The following ADAMTS16 variants were observed in gnomAD, a reference collection of about 807,000 sequenced individuals.
ADAMTS16 encodes the protein ADAM metallopeptidase with thrombospondin type 1 motif 16, also known as A disintegrin and metalloproteinase with thrombospondin motifs 16.
Under a neutral mutation model 145.8 loss-of-function variants are expected in ADAMTS16, and 94 were observed. The ratio of observed to expected loss-of-function variants is 0.64; its 90% CI spans 0.55 to 0.77. The LOEUF (loss-of-function observed/expected upper bound fraction) is 0.77, where lower values mean the gene tolerates loss of function less well. ADAMTS16 is among the 30% of genes least tolerant of loss of function. ADAMTS16 has a pLI of 0.00. For synonymous variants in ADAMTS16, 659 were observed against 604.3 expected, an observed-to-expected ratio of 1.09 and a Z score of -1.33; for missense variants, 1,585 against 1,591.5, an observed-to-expected ratio of 1.00 and a Z score of 0.07.
At chr5:5,238,795 T>G (rs1265497975) in intron 14 of ADAMTS16, among the ~76,000 whole-genome samples, 1 of 152,254 alleles carries the variant, frequency 6.6e-6, no homozygotes, top group African/African-American at 2.4e-5. Flanking sequence ...TGGCATATTT[T>G]GTTAGAACCT....
chr5:5,163,596 A>G (rs1274837083), intron 3 of ADAMTS16, among the ~76,000 whole-genome samples: 1 of 152,202 alleles, frequency 6.6e-6, no homozygotes, highest in Admixed American at 6.5e-5. Flanking sequence ...TATTGGTACA[A>G]ATTATCATCC....
intron 8 of ADAMTS16, 68 bp downstream of exon 8, chr5:5,191,858 A>G (rs1212534385): frequency 8.3e-7 from 1 of 1,198,422 alleles, no homozygotes; most frequent in African/African-American, 1.5e-5. Context: ...CCATGGAAAT[A>G]TTGACTCATC....
intron 3 of ADAMTS16, among the ~76,000 whole-genome samples, chr5:5,165,553 T>G (rs1734852729): frequency 6.6e-6 from 1 of 152,172 alleles, no homozygotes; most frequent in Non-Finnish European, 1.5e-5. Flanking sequence ...ATTGTGTAAC[T>G]TTCCTGGAAG....
At position 5,306,071 on chromosome 5, in the gene ADAMTS16, A is replaced by G. The variant is rs191848866; in HGVS notation, c.3187-433A>G. Reference sequence around the variant, plus strand: ...GGCAGCACTCAGATGCCTAGGGAAGATTGTGAGCCCTGAGTTTCTTCTACC... The same window carrying G: ...GGCAGCACTCAGATGCCTAGGGAAGGTTGTGAGCCCTGAGTTTCTTCTACC... On this transcript the variant is annotated intron_variant, in intron 20 of 22. Transcript: ENST00000274181. 3.9e-5 allele frequency among the ~76,000 whole-genome samples: 6 copies of G among 152,310 alleles called. No homozygotes were observed. In the East Asian group the frequency reaches 1.2e-3, roughly 29 times the overall value.
intron 12 of ADAMTS16, among the ~76,000 whole-genome samples, chr5:5,232,853 G>A (rs532628744): frequency 1.3e-5 from 2 of 152,010 alleles, no homozygotes; most frequent in South Asian, 4.2e-4. Context: ...TCCACCCGCC[G>A]TGACCTCCCA....
At chr5:5,296,050 C>A (rs1460140698) in intron 18 of ADAMTS16, among the ~76,000 whole-genome samples, 1 of 152,166 alleles carries the variant, frequency 6.6e-6, no homozygotes, top group Non-Finnish European at 1.5e-5. Flanking sequence ...TATTGGAGAC[C>A]ATTACCTTTA....
chr5:5,303,279 G>A lies in ADAMTS16; in HGVS notation c.2801G>A (p.Gly934Glu). 1.9e-6 allele frequency: 3 copies of A among 1,573,642 alleles called. No individual in the cohort carries two copies. The highest frequency in any genetic ancestry group is 1.2e-5 in the South Asian group (1 of 85,484). ...TTGTCCCTGCCCAGCTGGTCCGTGG[G>A]GAACTGGAGTGCCTGCAGTCGGACG... ...VSACPPSWSV[G>E]NWSACSRTCG... is the part of the protein sequence containing the mutation. Residue 934 changes from glycine to glutamate, a missense_variant, in exon 19 of 23, where the codon GGG becomes GAG. Transcript: ENST00000274181.
chr5:5,292,708 A>AG (rs1739382685), intron 18 of ADAMTS16, among the ~76,000 whole-genome samples: 2 of 151,726 alleles, frequency 1.3e-5, no homozygotes, highest in South Asian at 4.2e-4. Context: ...CCCTGTCCTA[A>AG]CAGCCCTCAT....
At chr5:5,248,411 G>A (rs940686707) in intron 17 of ADAMTS16, among the ~76,000 whole-genome samples, 16 of 152,150 alleles carry the variant, frequency 1.1e-4, no homozygotes, top group African/African-American at 2.9e-4. Flanking sequence ...CCATGGGCAG[G>A]GTTTGTCTTT....
At chr5:5,143,718 T>A (rs1467478134) in intron 2 of ADAMTS16, among the ~76,000 whole-genome samples, 1 of 152,132 alleles carries the variant, frequency 6.6e-6, no homozygotes, top group African/African-American at 2.4e-5. Context: ...AGCAAAGACT[T>A]GGAACCAACC....
intron 8 of ADAMTS16, among the ~76,000 whole-genome samples, chr5:5,197,547 AG>A (rs960032100): frequency 6.6e-6 from 1 of 152,210 alleles, no homozygotes; most frequent in African/African-American, 2.4e-5. Context: ...AAGGGGAAAA[AG>A]ATAAAATATA....
At chr5:5,216,034 T>C (rs1736430261) in intron 10 of ADAMTS16, among the ~76,000 whole-genome samples, 1 of 151,394 alleles carries the variant, frequency 6.6e-6, no homozygotes, top group African/African-American at 2.4e-5. Context: ...AATAATGACT[T>C]ATTTTCCTCT....
Position 5,293,932 on chromosome 5 carries a change from C to T in ADAMTS16, c.2790-9336C>T, listed in dbSNP as rs116828978. Among the ~76,000 whole-genome samples, 1,112 of 152,302 alleles carry T rather than the reference C, an allele frequency of 7.3e-3. 18 individuals are homozygous for T. Among genetic ancestry groups the T allele is most frequent in the African/African-American group, 0.025 (1,037 of 41,552 alleles). On this transcript the variant is annotated intron_variant, in intron 18 of 22. Coordinates refer to ENST00000274181, the MANE Select transcript of ADAMTS16 (RefSeq NM_139056.4). ...TCCTGGGAGCTTTGAACTCCCAGAA[C>T]CTCTGGCACACTGGGGCTTGTGGAC...
intron 6 of ADAMTS16, among the ~76,000 whole-genome samples, chr5:5,189,131 AC>A (rs1164374744): frequency 1.3e-5 from 2 of 152,230 alleles, no homozygotes; most frequent in Non-Finnish European, 2.9e-5. Flanking sequence ...AAATTTCAAT[AC>A]GACATCCTAA....
At chr5:5,249,313 C>A (rs1737549070) in intron 17 of ADAMTS16, among the ~76,000 whole-genome samples, 1 of 152,042 alleles carries the variant, frequency 6.6e-6, no homozygotes, top group African/African-American at 2.4e-5. Context: ...ATTTTTAGTT[C>A]TTGCAGTTTT....
intron 9 of ADAMTS16, among the ~76,000 whole-genome samples, chr5:5,205,422 T>G (rs1736074329): frequency 6.6e-6 from 1 of 152,230 alleles, no homozygotes; most frequent in South Asian, 2.1e-4. Context: ...ACTTAATTTT[T>G]GTATATGGCA....
intron 17 of ADAMTS16, among the ~76,000 whole-genome samples, chr5:5,254,514 C>G (rs1201379404): frequency 6.6e-6 from 1 of 152,140 alleles, no homozygotes; most frequent in South Asian, 2.1e-4. Context: ...CAGATATACA[C>G]ACATAAACAC....
chr5:5,298,992 A>G (rs1579396248), intron 18 of ADAMTS16, among the ~76,000 whole-genome samples: 1 of 152,122 alleles, frequency 6.6e-6, no homozygotes, highest in Non-Finnish European at 1.5e-5. Flanking sequence ...GGCACCGCCT[A>G]GCGAATGCTG....
intron 3 of ADAMTS16, among the ~76,000 whole-genome samples, chr5:5,164,553 T>A (rs1734816150): frequency 6.6e-6 from 1 of 152,232 alleles, no homozygotes; most frequent in Non-Finnish European, 1.5e-5. Context: ...AACAGCACAA[T>A]GCCCTGGGCA....
Sources: gnomAD v4.1 joint callset for allele counts (sites outside exome capture counted in the v4.1 genomes callset) on GRCh38, gnomAD v4.1.1 for gene constraint, MANE v1.5 for transcripts, NCBI Gene and HGNC (gene_info 2026-07-23, HGNC 2026-07-21) for gene names.